The following TAFA5 variants were observed in gnomAD, a reference collection of about 807,000 sequenced individuals.
The protein encoded by TAFA5 is TAFA chemokine like family member 5.
Under a neutral mutation model 15.3 loss-of-function variants are expected in TAFA5, and 6 were observed. That is an observed-to-expected ratio of 0.39 (90% CI 0.21 to 0.77). The LOEUF (loss-of-function observed/expected upper bound fraction) is 0.77, where lower values mean the gene tolerates loss of function less well. TAFA5 is among the 30% of genes least tolerant of loss of function. TAFA5 has a pLI of 0.41. For missense variants in TAFA5, 161 were observed against 193.1 expected, an observed-to-expected ratio of 0.83 and a Z score of 0.98; for synonymous variants, 103 against 80.7, an observed-to-expected ratio of 1.28 and a Z score of -1.48.
chr22:48,672,365 C>T (rs1409956485), intron 2 of TAFA5, among the ~76,000 whole-genome samples: 2 of 152,178 alleles, frequency 1.3e-5, no homozygotes. Flanking sequence ...AAATTGTAGC[C>T]TAAAGAAGAA....
intron 1 of TAFA5, among the ~76,000 whole-genome samples, chr22:48,617,117 C>G (rs1045788260): frequency 6.6e-6 from 1 of 152,140 alleles, no homozygotes; most frequent in Non-Finnish European, 1.5e-5. Context: ...CTGGAACCTG[C>G]GGATGTGTCA....
chr22:48,576,331 G>T, intron 1 of TAFA5: 1 of 1,205,778 alleles, frequency 8.3e-7, no homozygotes, highest in East Asian at 3.5e-5. Flanking sequence ...CTCCCGGAGT[G>T]GCGCCTCCAG....
At chr22:48,547,059 T>G (rs1922699357) in intron 1 of TAFA5, 1 of 153,148 alleles carries the variant, frequency 6.5e-6, no homozygotes, top group African/African-American at 2.4e-5. Context: ...GAGAAAAATG[T>G]GTTTCCCCCC....
chr22:48,584,764 A>G (rs1371854395), intron 1 of TAFA5, among the ~76,000 whole-genome samples: 4 of 150,504 alleles, frequency 2.7e-5, no homozygotes, highest in Non-Finnish European at 4.4e-5. Context: ...CACACAACAC[A>G]CCACACACAT....
chr22:48,701,383 G>A (rs1928900477), intron 2 of TAFA5, among the ~76,000 whole-genome samples: 1 of 152,202 alleles, frequency 6.6e-6, no homozygotes, highest in Non-Finnish European at 1.5e-5. Context: ...TCCCCACACT[G>A]AGGACGTGGC....
rs1053703158 is a variant in TAFA5 at position 48,550,848 on chromosome 22, C to G, written c.112+61144C>G. 6.6e-6 allele frequency among the ~76,000 whole-genome samples: 1 copy of G among 152,180 alleles called. No individual in the cohort carries two copies. The highest frequency in any genetic ancestry group is 2.1e-4 in the South Asian group (1 of 4,810). On this transcript the variant is annotated intron_variant, in intron 1 of 3. Coordinates refer to ENST00000402357, the MANE Select transcript of TAFA5 (RefSeq NM_001082967.3). The surrounding 1 kb of genome is among the most constrained non-coding windows in gnomAD (Gnocchi z 4.1). Reference sequence around the variant, plus strand: ...CCAGGATTCAGGCCTGAGTCGTGCCCGGGACCATGTGGATCCCTTTCGTTC... The same window carrying G: ...CCAGGATTCAGGCCTGAGTCGTGCCGGGGACCATGTGGATCCCTTTCGTTC...
intron 3 of TAFA5, among the ~76,000 whole-genome samples, chr22:48,728,206 A>G (rs971130142): frequency 2.6e-5 from 4 of 152,258 alleles, no homozygotes; most frequent in African/African-American, 9.6e-5. Context: ...ACACTAGGAG[A>G]AGAAATGCAC....
At chr22:48,636,102 G>A (rs1926435733) in intron 1 of TAFA5, among the ~76,000 whole-genome samples, 1 of 152,236 alleles carries the variant, frequency 6.6e-6, no homozygotes, top group Non-Finnish European at 1.5e-5. Context: ...GGAGCCAGCT[G>A]AAGATTCCAG....
chr22:48,583,078 ACCACACACC>A (rs1461869168), intron 1 of TAFA5, among the ~76,000 whole-genome samples: 11 of 150,664 alleles, frequency 7.3e-5, no homozygotes, highest in South Asian at 2.1e-4. Context: ...CACAAAATAC[ACCACACACC>A]CCACACACAA....
intron 1 of TAFA5, among the ~76,000 whole-genome samples, chr22:48,492,791 T>A (rs989186076): frequency 1.3e-5 from 2 of 152,186 alleles, no homozygotes; most frequent in African/African-American, 4.8e-5. Context: ...GGATGGTTGG[T>A]AATAAGTTGA....
chr22:48,737,833 A>G (rs1446675325), intron 3 of TAFA5, among the ~76,000 whole-genome samples: 2 of 151,842 alleles, frequency 1.3e-5, no homozygotes, highest in African/African-American at 4.8e-5. Context: ...GGCGGCTTCC[A>G]CCTCCCAGGG....
chr22:48,657,028 C>T (rs1038447993), intron 2 of TAFA5, among the ~76,000 whole-genome samples: 2 of 152,036 alleles, frequency 1.3e-5, no homozygotes, highest in Non-Finnish European at 2.9e-5. Context: ...GCCTTGGCCT[C>T]CCAAAGTTCT....
intron 1 of TAFA5, among the ~76,000 whole-genome samples, chr22:48,590,696 C>A (rs1337701812): frequency 2.0e-5 from 3 of 151,974 alleles, no homozygotes; most frequent in Non-Finnish European, 4.4e-5. Context: ...TTTTTTTAAT[C>A]CAAAAGAAAA....
chr22:48,596,609 C>G (rs1349190370), intron 1 of TAFA5, among the ~76,000 whole-genome samples: 1 of 152,090 alleles, frequency 6.6e-6, no homozygotes, highest in African/African-American at 2.4e-5. Flanking sequence ...ATGAGGGAGG[C>G]GCGTGAGTGA....
intron 1 of TAFA5, among the ~76,000 whole-genome samples, chr22:48,641,752 G>C (rs1164300288): frequency 2.0e-5 from 3 of 152,108 alleles, no homozygotes; most frequent in Non-Finnish European, 4.4e-5. Context: ...GAAAGTCGGT[G>C]GGGGGACCTG....
At chr22:48,510,753 C>A (rs1921180783) in intron 1 of TAFA5, among the ~76,000 whole-genome samples, 1 of 152,220 alleles carries the variant, frequency 6.6e-6, no homozygotes, top group African/African-American at 2.4e-5. Flanking sequence ...GCTTCAGGAA[C>A]AACATCAAGG....
At chr22:48,553,938 CTG>C (rs1171726052) in intron 1 of TAFA5, among the ~76,000 whole-genome samples, 1 of 152,224 alleles carries the variant, frequency 6.6e-6, no homozygotes, top group Non-Finnish European at 1.5e-5. Flanking sequence ...AGCGTGGACA[CTG>C]TGCTTGTCCA....
At chr22:48,614,431 G>A (rs1925523829) in intron 1 of TAFA5, among the ~76,000 whole-genome samples, 1 of 152,142 alleles carries the variant, frequency 6.6e-6, no homozygotes, top group Non-Finnish European at 1.5e-5. Context: ...CTTATACTTG[G>A]GAGACCCACA....
chr22:48,629,873 C>T (rs151337296), intron 1 of TAFA5, among the ~76,000 whole-genome samples: 3 of 152,132 alleles, frequency 2.0e-5, no homozygotes, highest in East Asian at 3.9e-4. Context: ...CCGGCAACGC[C>T]GAGTGTCCTC....
Sources: gnomAD v4.1 joint callset for allele counts (sites outside exome capture counted in the v4.1 genomes callset) on GRCh38, gnomAD v4.1.1 for gene constraint, Gnocchi (gnomAD v3.1) non-coding constraint, MANE v1.5 for transcripts, NCBI Gene and HGNC (gene_info 2026-07-23, HGNC 2026-07-21) for gene names.